KCTD19: variants seen among roughly 807,000 people sequenced by gnomAD.
The protein encoded by KCTD19 is BTB/POZ domain-containing protein KCTD19.
In KCTD19, 67 loss-of-function variants were observed where a neutral mutation model predicts 103.5. The observed-to-expected ratio is 0.65, with a 90% CI of 0.53 to 0.79. KCTD19 has a LOEUF of 0.79. Ranked by LOEUF, KCTD19 falls within the 30% of genes least tolerant of loss-of-function variation. The probability of loss-of-function intolerance (pLI) is 0.00; values close to 1 mark genes in which losing one functional copy is unlikely to be tolerated. For missense variants in KCTD19, 980 were observed against 1,136.1 expected, an observed-to-expected ratio of 0.86 and a Z score of 1.98; for synonymous variants, 439 against 452.2, an observed-to-expected ratio of 0.97 and a Z score of 0.37.
chr16:67,322,066 A>G (rs2037080501), intron 1 of KCTD19: 1 of 152,208 alleles, frequency 6.6e-6, no homozygotes, highest in African/African-American at 2.4e-5. Context: ...GATAAGTGGA[A>G]TAGAATTGAG....
intron 4 of KCTD19, chr16:67,302,134 G>C (rs1013462770): frequency 4.3e-6 from 2 of 465,804 alleles, no homozygotes; most frequent in Non-Finnish European, 7.7e-6. Flanking sequence ...GTCTGAGGCC[G>C]TGGGTGTGGC....
chr16:67,306,390 C>T (rs1310485834), intron 2 of KCTD19, among the ~76,000 whole-genome samples: 2 of 152,092 alleles, frequency 1.3e-5, no homozygotes, highest in African/African-American at 2.4e-5. Context: ...CTTAGCCTCC[C>T]GAGTACCTGG....
At chr16:67,314,830 T>TAGAGAGAGAG (rs71145965) in intron 2 of KCTD19, among the ~76,000 whole-genome samples, 19 of 33,648 alleles carry the variant, frequency 5.6e-4, no homozygotes, top group Non-Finnish European at 7.0e-4. Context: ...TATATATATA[T>TAGAGAGAGAG]AGAGAGAGAG....
In KCTD19 at chr16:67,296,175, A is replaced by T. The variant is rs756124908; in HGVS notation, c.1232T>A (p.Leu411Gln). Residue 411 changes from leucine to glutamine, a missense_variant, in exon 8 of 16, where the codon CTG (leucine) becomes CAG (glutamine). Coordinates refer to ENST00000304372, the MANE Select transcript of KCTD19 (RefSeq NM_001100915.3). ...YVGSHWYATT[L>Q]QTLLKYPELL... is the part of the protein sequence containing the mutation. The stretch of plus-strand genomic sequence containing the variant: ...CGTCAGTACCTTCAGCAGTGTCTGC[A>T]GGGTGGTTGCGTACCAGTGGCTTCC... 6.2e-7 allele frequency: 1 copy of T among 1,609,732 alleles called. No homozygotes were observed. The highest frequency in any genetic ancestry group is 1.1e-5 in the South Asian group (1 of 91,008).
In KCTD19 at chr16:67,323,009, C is replaced by T. The variant is rs1418522180; in HGVS notation, c.4-2124G>A. Reference sequence around the variant, plus strand: ...GCAAATCAAAACCCACAACAGAATACTACTTCACACCCATTAGTATGGCTA... The same window carrying T: ...GCAAATCAAAACCCACAACAGAATATTACTTCACACCCATTAGTATGGCTA... On this transcript the variant is annotated intron_variant, in intron 1 of 15. Transcript: ENST00000304372. The surrounding 1 kb of genome is among the most constrained non-coding windows in gnomAD (Gnocchi z 4.1). Among the ~76,000 whole-genome samples the T allele has an allele frequency of 6.6e-6, 1 of 152,192 alleles. No individual in the cohort carries two copies. Among genetic ancestry groups the T allele is most frequent in the Non-Finnish European group, 1.5e-5 (1 of 68,040 alleles).
chr16:67,308,002 T>A (rs920499635), intron 2 of KCTD19, among the ~76,000 whole-genome samples: 1 of 152,078 alleles, frequency 6.6e-6, no homozygotes, highest in Non-Finnish European at 1.5e-5. Flanking sequence ...TCTCCAAGCC[T>A]CAGGTTCCTC....
At chr16:67,302,594 C>G (rs1478405100) in intron 4 of KCTD19, 4 of 157,020 alleles carry the variant, frequency 2.5e-5, no homozygotes, top group Non-Finnish European at 5.6e-5. Flanking sequence ...GAGAGAGGCT[C>G]TCTCTGTCAA....
At chr16:67,307,987 T>G (rs1231978055) in intron 2 of KCTD19, among the ~76,000 whole-genome samples, 1 of 152,146 alleles carries the variant, frequency 6.6e-6, no homozygotes, top group Non-Finnish European at 1.5e-5. Context: ...ACTTGTCATG[T>G]AACTTCTCCA....
chr16:67,314,802 TATA>T (rs2036985688), intron 2 of KCTD19, among the ~76,000 whole-genome samples: 2 of 25,544 alleles, frequency 7.8e-5, no homozygotes, highest in South Asian at 1.5e-3. Context: ...CTTAGCATTA[TATA>T]TATATATATA....
At chr16:67,310,104 C>G (rs2036934536) in intron 2 of KCTD19, among the ~76,000 whole-genome samples, 1 of 152,226 alleles carries the variant, frequency 6.6e-6, no homozygotes, top group Non-Finnish European at 1.5e-5. Context: ...CTTGCTCTGA[C>G]TTCTAGAAAT....
At position 67,303,008 on chromosome 16, in the gene KCTD19, T is replaced by A; in HGVS notation, c.643+138A>T. The A allele has an allele frequency of 1.4e-6, 1 of 738,354 alleles. No homozygotes were observed. The highest frequency in any genetic ancestry group is 2.8e-5 in the Admixed American group (1 of 35,508). The allele number at this position is 738,354 out of a possible 1,614,324, so 45.7% of individuals were successfully genotyped here. On this transcript the variant is annotated intron_variant, in intron 4 of 15. Transcript: ENST00000304372. The surrounding 1 kb of genome is among the most constrained non-coding windows in gnomAD (Gnocchi z 4.3). Reference sequence around the variant, plus strand: ...TCTGCTTGCTTCCTGGAAGGCTCTGTCATGCTTCCGCTACCTCTGCCCAGG... The same window carrying A: ...TCTGCTTGCTTCCTGGAAGGCTCTGACATGCTTCCGCTACCTCTGCCCAGG...
chr16:67,317,410 G>A (rs758882627), intron 2 of KCTD19, among the ~76,000 whole-genome samples: 2 of 151,708 alleles, frequency 1.3e-5, no homozygotes, highest in South Asian at 2.1e-4. Flanking sequence ...ACCAGAAAAC[G>A]GAGGTTGCCA....
At chr16:67,291,161 C>T in intron 14 of KCTD19, 148 bp downstream of exon 14, 1 of 1,178,474 alleles carries the variant, frequency 8.5e-7, no homozygotes, top group Non-Finnish European at 1.2e-6. Context: ...CTCTGCTTGC[C>T]TCCCTGTCCC....
At chr16:67,297,434 A>G in intron 7 of KCTD19, 69 bp downstream of exon 7, 2 of 1,471,748 alleles carry the variant, frequency 1.4e-6, no homozygotes, top group South Asian at 1.2e-5. Context: ...TGGCCACATC[A>G]TCTATTCCCT....
rs140693275 is a variant in KCTD19, at chr16:67,323,387, G to C, written c.4-2502C>G. Among the ~76,000 whole-genome samples the C allele has an allele frequency of 1.3e-5, 2 of 152,306 alleles. No homozygotes were observed. The highest frequency in any genetic ancestry group is 3.9e-4 in the East Asian group (2 of 5,188). ...AATACGAAGGAATGGGATGAACATG[G>C]TGGCTTGTGCTTGTAATCCCAGCAC... On this transcript the variant is annotated intron_variant, in intron 1 of 15. Coordinates refer to ENST00000304372, the MANE Select transcript of KCTD19 (RefSeq NM_001100915.3). The surrounding 1 kb of genome is among the most constrained non-coding windows in gnomAD (Gnocchi z 4.1).
At chr16:67,311,590 C>T (rs1178676424) in intron 2 of KCTD19, among the ~76,000 whole-genome samples, 5 of 151,968 alleles carry the variant, frequency 3.3e-5, no homozygotes, top group African/African-American at 9.7e-5. Flanking sequence ...CGCGAGCCAC[C>T]GTCCCCAGCC....
intron 2 of KCTD19, among the ~76,000 whole-genome samples, chr16:67,314,830 T>TATATAGAGAG (rs1430877802): frequency 2.1e-4 from 7 of 33,652 alleles, no homozygotes; most frequent in African/African-American, 1.1e-3. Context: ...TATATATATA[T>TATATAGAGAG]AGAGAGAGAG....
intron 3 of KCTD19, 96 bp downstream of exon 3, chr16:67,304,325 G>A (rs1246862528): frequency 8.4e-7 from 1 of 1,191,686 alleles, no homozygotes; most frequent in African/African-American, 1.5e-5. Flanking sequence ...CAGAAATCAG[G>A]CACTCTCTGC....
rs1317445865 is a variant in KCTD19, at chr16:67,293,588, G to C, written c.2174C>G (p.Ala725Gly). 6.2e-6 allele frequency: 10 copies of C among 1,614,064 alleles called. No individual in the cohort carries two copies. The highest frequency in any genetic ancestry group is 1.7e-5 in the Admixed American group (1 of 60,008). ...TFKPYLPPKR[A>G]GTLKDWSKQR... is the part of the protein sequence containing the mutation. ...CTTGCTCCAGTCCTTCAGGGTGCCA[G>C]CTCTTTTTGGGGGTAAGTATGGCTT... is the stretch of plus-strand genomic sequence containing the variant. The change falls in exon 12 of 16, where the codon GCT becomes GGT. Residue 725 changes from alanine (A) to glycine (G), a missense_variant. Coordinates refer to ENST00000304372, the MANE Select transcript of KCTD19 (RefSeq NM_001100915.3). The surrounding 1 kb of genome is among the most constrained non-coding windows in gnomAD (Gnocchi z 4.0).
Sources: allele counts gnomAD v4.1 joint callset (sites outside exome capture counted in the v4.1 genomes callset), GRCh38; gene constraint gnomAD v4.1.1; non-coding constraint Gnocchi (gnomAD v3.1); transcripts MANE v1.5; gene names NCBI Gene and HGNC (gene_info 2026-07-23, HGNC 2026-07-21).